The following AK5 variants were observed in gnomAD, a reference collection of about 807,000 sequenced individuals.
AK5 encodes the protein adenylate kinase 5, also known as adenylate kinase isoenzyme 5.
Under a neutral mutation model 69.5 loss-of-function variants are expected in AK5, and 27 were observed. The observed-to-expected ratio is 0.39, with a 90% CI of 0.29 to 0.54. The LOEUF (loss-of-function observed/expected upper bound fraction) is 0.54. Ranked by LOEUF, AK5 falls within the 20% of genes least tolerant of loss-of-function variation. AK5 has a pLI of 0.71. For missense variants in AK5, 531 were observed against 700.4 expected, an observed-to-expected ratio of 0.76 and a Z score of 2.73; for synonymous variants, 260 against 244.4, an observed-to-expected ratio of 1.06 and a Z score of -0.60.
intron 13 of AK5, among the ~76,000 whole-genome samples, chr1:77,557,922 T>A (rs1054749719): frequency 2.1e-5 from 3 of 142,866 alleles, no homozygotes; most frequent in Non-Finnish European, 1.5e-5. Flanking sequence ...TGTTCATCGA[T>A]CATTGATCTT....
chr1:77,413,054 A>C (rs1650151915), intron 7 of AK5, among the ~76,000 whole-genome samples: 1 of 151,818 alleles, frequency 6.6e-6, no homozygotes, highest in Non-Finnish European at 1.5e-5. Context: ...AAAAAAAAAC[A>C]AAACAAAACC....
intron 6 of AK5, among the ~76,000 whole-genome samples, chr1:77,367,610 AAT>A (rs1491245469): frequency 7.2e-5 from 4 of 55,414 alleles, no homozygotes; most frequent in African/African-American, 3.3e-4. Flanking sequence ...ATATATATGT[AAT>A]ATATATGTTA....
intron 8 of AK5, among the ~76,000 whole-genome samples, chr1:77,461,950 A>G (rs967607006): frequency 6.6e-6 from 1 of 152,228 alleles, no homozygotes; most frequent in Non-Finnish European, 1.5e-5. Context: ...CAATGTATAT[A>G]TACTGCAAAA....
chr1:77,376,794 T>A (rs1647281827), intron 6 of AK5, among the ~76,000 whole-genome samples: 1 of 151,962 alleles, frequency 6.6e-6, no homozygotes, highest in Non-Finnish European at 1.5e-5. Context: ...TAAAAAAAAT[T>A]AGCTGATCAT....
At chr1:77,367,660 A>ATGTAATATATATAT (rs1646995522) in intron 6 of AK5, among the ~76,000 whole-genome samples, 1 of 95,132 alleles carries the variant, frequency 1.1e-5, no homozygotes, top group African/African-American at 4.2e-5. Context: ...TATGTTATAT[A>ATGTAATATATATAT]TATGTTATAT....
At chr1:77,424,670 GGAGA>G (rs1288071315) in intron 8 of AK5, among the ~76,000 whole-genome samples, 1 of 152,164 alleles carries the variant, frequency 6.6e-6, no homozygotes, top group African/African-American at 2.4e-5. Context: ...ACATGGCTGG[GGAGA>G]GAATCTCTGA....
intron 8 of AK5, among the ~76,000 whole-genome samples, chr1:77,448,655 A>G (rs2100652952): frequency 6.6e-6 from 1 of 152,340 alleles, no homozygotes; most frequent in East Asian, 1.9e-4. Context: ...CCATGGCAGG[A>G]CTGAAAGAGC....
At chr1:77,540,459 G>A (rs1169984827) in intron 13 of AK5, 1 of 152,224 alleles carries the variant, frequency 6.6e-6, no homozygotes, top group African/African-American at 2.4e-5. Context: ...TGCTGTCTCA[G>A]AAACTTGCTC....
intron 5 of AK5, among the ~76,000 whole-genome samples, chr1:77,325,091 C>A (rs1660731640): frequency 6.6e-6 from 1 of 151,550 alleles, no homozygotes; most frequent in Non-Finnish European, 1.5e-5. Context: ...AATTCTCCTG[C>A]CTCAACCTCC....
At chr1:77,371,399 G>A (rs984175821) in intron 6 of AK5, 1 of 152,250 alleles carries the variant, frequency 6.6e-6, no homozygotes, top group African/African-American at 2.4e-5. Context: ...GGTGGAAAGA[G>A]TACTTTACAG....
At chr1:77,282,418 A>G in intron 1 of AK5, 45 bp downstream of exon 1, 2 of 1,526,286 alleles carry the variant, frequency 1.3e-6, no homozygotes. Context: ...CGGGGACTGC[A>G]TCTCAGGGGT....
At chr1:77,442,096 T>G (rs1652366831) in intron 8 of AK5, among the ~76,000 whole-genome samples, 1 of 152,096 alleles carries the variant, frequency 6.6e-6, no homozygotes, top group South Asian at 2.1e-4. Context: ...CAGTAGGGCT[T>G]GGTGGCAACT....
rs143029436 is a variant in AK5 at position 77,500,087 on chromosome 1, T to C, written c.1147+13735T>C. Among the ~76,000 whole-genome samples the C allele has an allele frequency of 3.3e-5, 5 of 152,040 alleles. No individual in the cohort carries two copies. In the East Asian group the frequency reaches 9.7e-4, roughly 29 times the overall value. On this transcript the variant is annotated intron_variant, in intron 10 of 13. Transcript: ENST00000354567. ...GCAAATGTACTAATCTGTCTTCCAG[T>C]AATAACCATCTCAGAGCCATAATGA...
intron 10 of AK5, among the ~76,000 whole-genome samples, chr1:77,487,679 G>A (rs1655687884): frequency 6.6e-6 from 1 of 152,220 alleles, no homozygotes. Context: ...GAGAAGTTAA[G>A]GGGTCTGATC....
chr1:77,363,872 T>C (rs1646907079), intron 6 of AK5, among the ~76,000 whole-genome samples: 1 of 152,216 alleles, frequency 6.6e-6, no homozygotes, highest in African/African-American at 2.4e-5. Context: ...TTTATTTTTC[T>C]CCAGGACATT....
intron 13 of AK5, among the ~76,000 whole-genome samples, chr1:77,556,963 T>C (rs921485289): frequency 6.6e-6 from 1 of 151,646 alleles, no homozygotes; most frequent in African/African-American, 2.4e-5. Flanking sequence ...CTCATGTAGA[T>C]CACCAACCCT....
intron 6 of AK5, among the ~76,000 whole-genome samples, chr1:77,374,945 T>C (rs1238336935): frequency 6.6e-6 from 1 of 152,182 alleles, no homozygotes; most frequent in Non-Finnish European, 1.5e-5. Flanking sequence ...TTAAAATTAA[T>C]TATTTTCCTT....
At chr1:77,532,626 G>A (rs560932384) in intron 12 of AK5, among the ~76,000 whole-genome samples, 4 of 152,364 alleles carry the variant, frequency 2.6e-5, no homozygotes, top group African/African-American at 7.2e-5. Context: ...GGGCTTATGG[G>A]ATGGCTGTTT....
At chr1:77,368,215 CTATATATATATATATATATA>C (rs1172723260) in intron 6 of AK5, among the ~76,000 whole-genome samples, 1 of 28,198 alleles carries the variant, frequency 3.5e-5, no homozygotes, top group African/African-American at 9.5e-5. Flanking sequence ...AGTAGAGATA[CTATATATATATATATATATA>C]TATATATATA....
Sources: gnomAD v4.1 joint callset for allele counts (sites outside exome capture counted in the v4.1 genomes callset) on GRCh38, gnomAD v4.1.1 for gene constraint, MANE v1.5 for transcripts, NCBI Gene and HGNC (gene_info 2026-07-23, HGNC 2026-07-21) for gene names.